DOCK3: variants seen among roughly 807,000 people sequenced by gnomAD.
DOCK3 encodes dedicator of cytokinesis 3.
DOCK3 carries 60 observed loss-of-function variants against 265.6 expected under a neutral mutation model. The ratio of observed to expected loss-of-function variants is 0.23; its 90% confidence interval spans 0.18 to 0.28. DOCK3 has a LOEUF of 0.28. DOCK3 is among the 10% of genes least tolerant of loss of function. The pLI is 1.00. For missense variants in DOCK3, 1,981 were observed against 2,594.3 expected (o/e 0.76, Z 5.14); for synonymous variants, 881 against 938.0 (o/e 0.94, Z 1.11).
chr3:51,330,145 C>T lies in DOCK3; in HGVS notation c.3410C>T (p.Ala1137Val), dbSNP rs1453617256. 3 of 1,602,372 alleles carry T rather than the reference C, an allele frequency of 1.9e-6. No homozygotes were observed. Among genetic ancestry groups the T allele is most frequent in the Non-Finnish European group, 2.6e-6 (3 of 1,174,638 alleles). ...GTCTCTGCTTCCTTCTAGGTGGAGG[C>T]CGAGTTGATTGACAAGCTGGACAGC... ...RKNGNFKQVE[A>V]ELIDKLDSMV... The change falls in exon 33 of 53, where the codon GCC (alanine) becomes GTC (valine). Residue 1137 changes from alanine to valine, a missense_variant. Physicochemically the swap from Ala to Val is moderately conservative, Grantham distance 64. This residue lies in a region of DOCK3 where 1,357 missense variants were observed against 1,866.8 expected (regional missense o/e 0.73). Coordinates refer to ENST00000266037, the MANE Select transcript of DOCK3 (RefSeq NM_004947.5).
chr3:51,341,475 G>T, intron 38 of DOCK3, 90 bp downstream of exon 38: 2 of 1,554,156 alleles, frequency 1.3e-6, no homozygotes, highest in Admixed American at 1.9e-5. Context: ...CAGCTGCAGG[G>T]GGTAGTGTGT....
chr3:51,240,875 C>T (rs1010691277), intron 21 of DOCK3, among the ~76,000 whole-genome samples: 1 of 152,156 alleles, frequency 6.6e-6, no homozygotes, highest in Non-Finnish European at 1.5e-5. Context: ...GGTCTTGGTT[C>T]TTTATCCAGC....
chr3:50,733,040 C>A (rs1029571436), intron 1 of DOCK3, among the ~76,000 whole-genome samples: 2 of 152,116 alleles, frequency 1.3e-5, no homozygotes, highest in African/African-American at 4.8e-5. Context: ...CCTTGGCCTC[C>A]CAAAGTGCTG....
In DOCK3 at chr3:51,161,079, G is replaced by GAAA. The variant is rs1436786447; in HGVS notation, c.1037+389_1037+391dup. ...CAACAGAGCGACACTCCGTTTCAAA[G>GAAA]AAAAAAAAAAAAAACAAAAACACCT... On this transcript the variant is annotated intron_variant, in intron 12 of 52. Transcript: ENST00000266037. 2.5e-4 allele frequency among the ~76,000 whole-genome samples: 13 copies of GAAA among 53,002 alleles called. 2 individuals are homozygous for GAAA. The highest frequency in any genetic ancestry group is 2.7e-4 in the Non-Finnish European group (6 of 22,606). The allele number at this position is 53,002 out of a possible 152,430, so 34.8% of individuals were successfully genotyped here. A position where few individuals can be genotyped will look rare whatever the true frequency, so the allele number is the denominator to read the frequency against.
At chr3:50,694,327 G>C (rs2035469250) in intron 1 of DOCK3, among the ~76,000 whole-genome samples, 1 of 152,058 alleles carries the variant, frequency 6.6e-6, no homozygotes, top group Admixed American at 6.6e-5. Context: ...CTAATACTTA[G>C]AGGCAGATAT....
intron 19 of DOCK3, 65 bp downstream of exon 19, chr3:51,229,674 G>A: frequency 1.6e-6 from 2 of 1,269,838 alleles, no homozygotes; most frequent in South Asian, 2.2e-5. Flanking sequence ...ACCTTACTTT[G>A]TCATGATTTT....
chr3:50,954,513 G>A (rs1439015315), intron 5 of DOCK3, among the ~76,000 whole-genome samples: 1 of 152,084 alleles, frequency 6.6e-6, no homozygotes, highest in Non-Finnish European at 1.5e-5. Context: ...AAGCCTTTCT[G>A]ATGGGACTGT....
At chr3:51,005,927 G>T (rs1167587928) in intron 5 of DOCK3, among the ~76,000 whole-genome samples, 1 of 152,132 alleles carries the variant, frequency 6.6e-6, no homozygotes, top group East Asian at 1.9e-4. Flanking sequence ...TCTAGAAAAT[G>T]GTCTCTAGGG....
chr3:50,922,740 C>T (rs1312278554), intron 4 of DOCK3, among the ~76,000 whole-genome samples: 2 of 151,478 alleles, frequency 1.3e-5, no homozygotes, highest in African/African-American at 4.8e-5. Flanking sequence ...TGCACTTAGC[C>T]AGTTTATTTT....
At chr3:51,152,801 T>A (rs1576256728) in intron 10 of DOCK3, among the ~76,000 whole-genome samples, 1 of 152,216 alleles carries the variant, frequency 6.6e-6, no homozygotes, top group South Asian at 2.1e-4. Context: ...TTCCAGACCC[T>A]GTTTGCCTGA....
At chr3:50,909,016 T>C (rs900624489) in intron 4 of DOCK3, among the ~76,000 whole-genome samples, 1 of 152,096 alleles carries the variant, frequency 6.6e-6, no homozygotes, top group Non-Finnish European at 1.5e-5. Flanking sequence ...GTCTGTTTTG[T>C]CAGAAAGTAG....
intron 12 of DOCK3, among the ~76,000 whole-genome samples, chr3:51,178,778 A>G (rs1296588673): frequency 6.6e-6 from 1 of 152,242 alleles, no homozygotes; most frequent in East Asian, 1.9e-4. Flanking sequence ...AGCAAAGACA[A>G]AAGTATAGTA....
intron 5 of DOCK3, among the ~76,000 whole-genome samples, chr3:51,010,747 G>C (rs1239085337): frequency 6.6e-6 from 1 of 152,176 alleles, no homozygotes; most frequent in Admixed American, 6.5e-5. Context: ...CGCTTTTTCA[G>C]TGACTGGTAC....
intron 9 of DOCK3, among the ~76,000 whole-genome samples, chr3:51,126,585 C>A (rs2084277144): frequency 6.6e-6 from 1 of 152,216 alleles, no homozygotes; most frequent in Admixed American, 6.5e-5. Flanking sequence ...GATGAACTGA[C>A]TTAGCATTGT....
intron 3 of DOCK3, among the ~76,000 whole-genome samples, chr3:50,874,086 A>G (rs2047580640): frequency 7.9e-6 from 1 of 127,328 alleles, no homozygotes; most frequent in African/African-American, 3.4e-5. Flanking sequence ...TTTTTGTTAA[A>G]TTGTTGTACT....
At chr3:51,096,786 C>T (rs1291532039) in intron 9 of DOCK3, among the ~76,000 whole-genome samples, 1 of 152,166 alleles carries the variant, frequency 6.6e-6, no homozygotes, top group South Asian at 2.1e-4. Flanking sequence ...ATTTATCTAC[C>T]TTTGATCTTT....
chr3:50,845,991 T>C (rs2046060763), intron 3 of DOCK3, among the ~76,000 whole-genome samples: 2 of 152,314 alleles, frequency 1.3e-5, no homozygotes, highest in East Asian at 3.9e-4. Flanking sequence ...AATGGGTTAT[T>C]ACTTATCTCA....
chr3:51,239,270 C>T (rs1197424663), intron 21 of DOCK3, among the ~76,000 whole-genome samples: 2 of 151,424 alleles, frequency 1.3e-5, no homozygotes, highest in Admixed American at 6.6e-5. Context: ...AGTAGAGTGG[C>T]GCAATCTTGG....
chr3:51,336,341 T>TTG (rs1031420646), intron 35 of DOCK3, among the ~76,000 whole-genome samples: 1 of 118,380 alleles, frequency 8.4e-6, no homozygotes, highest in African/African-American at 3.7e-5. Flanking sequence ...GGTTTTTTTG[T>TTG]TTTTTTTTTT....
Sources: gnomAD v4.1 joint callset for allele counts (sites outside exome capture counted in the v4.1 genomes callset) on GRCh38, gnomAD v4.1.1 for gene constraint, gnomAD v4.1.1 regional missense constraint, MANE v1.5 for transcripts, NCBI Gene and HGNC (gene_info 2026-07-23, HGNC 2026-07-21) for gene names.